BCL2L11: variants seen among roughly 807,000 people sequenced by gnomAD.
The protein encoded by BCL2L11 is bcl-2-like protein 11.
BCL2L11 carries 15 observed loss-of-function variants against 20.6 expected under a neutral mutation model. The ratio of observed to expected loss-of-function variants is 0.73; its 90% confidence interval spans 0.49 to 1.12. The LOEUF (loss-of-function observed/expected upper bound fraction) is 1.12. Among genes scored for constraint, BCL2L11 ranks in the 50% most tolerant of loss-of-function variants. The probability of loss-of-function intolerance (pLI) is 0.00; values close to 1 mark genes in which losing one functional copy is unlikely to be tolerated. For synonymous variants in BCL2L11, 108 were observed against 92.8 expected (o/e 1.16, Z -0.94); for missense variants, 292 against 260.9 (o/e 1.12, Z -0.82).
At chr2:111,138,138 A>G (rs1218767325) in intron 2 of BCL2L11, among the ~76,000 whole-genome samples, 3 of 151,456 alleles carry the variant, frequency 2.0e-5, no homozygotes, top group African/African-American at 7.3e-5. Flanking sequence ...CCTTCTGAGT[A>G]GCTGGGATTA....
rs773039812 is a variant in BCL2L11 at position 111,123,811 on chromosome 2, G to A, written c.66G>A (p.Ala22=). The part of the protein sequence containing the change: ...CDREGRQLQP[A]ERPPQLRPGA... ...GAGAAGGTAGACAATTGCAGCCTGC[G>A]GAGAGGCCTCCCCAGCTCAGACCTG... is the stretch of plus-strand genomic sequence containing the variant. The change falls in exon 2 of 4, where the codon GCG becomes GCA. Residue 22 remains alanine, a synonymous_variant. Coordinates refer to ENST00000393256, the MANE Select transcript of BCL2L11 (RefSeq NM_138621.5). 1.3e-6 allele frequency: 2 copies of A among 1,495,318 alleles called. No individual in the cohort carries two copies. The highest frequency in any genetic ancestry group is 2.8e-5 in the South Asian group (2 of 71,666). The allele number at this position is 1,495,318 out of a possible 1,614,324, so 92.6% of individuals were successfully genotyped here.
At position 111,121,003 on chromosome 2, in the gene BCL2L11, C is replaced by T. The variant is rs1357094545; in HGVS notation, c.-199C>T. ...CTGCCGCCGCCGCCGCCGCCGCCGC[C>T]GCCGCCGCCGCCGCCGCCACTACCA... On this transcript the variant is annotated 5_prime_UTR_variant, in exon 1 of 4. Coordinates refer to ENST00000393256, the MANE Select transcript of BCL2L11 (RefSeq NM_138621.5). The T allele has an allele frequency of 1.7e-4, 70 of 400,460 alleles. 3 individuals carry two copies. The highest frequency in any genetic ancestry group is 3.1e-4 in the South Asian group (8 of 25,640). 24.8% of individuals were successfully genotyped at this position (400,460 alleles called of 1,614,324 possible).
At chr2:111,128,243 G>C (rs1240737000) in intron 2 of BCL2L11, among the ~76,000 whole-genome samples, 1 of 151,982 alleles carries the variant, frequency 6.6e-6, no homozygotes, top group Admixed American at 6.5e-5. Context: ...ATGTCGTCAG[G>C]GTTCATTTAT....
chr2:111,136,896 G>A (rs2074987485), intron 2 of BCL2L11, among the ~76,000 whole-genome samples: 1 of 152,122 alleles, frequency 6.6e-6, no homozygotes, highest in East Asian at 1.9e-4. Context: ...CTCTCCATGT[G>A]GAATAACAGA....
At chr2:111,155,284 G>C (rs2077688249) in intron 3 of BCL2L11, among the ~76,000 whole-genome samples, 1 of 152,216 alleles carries the variant, frequency 6.6e-6, no homozygotes, top group South Asian at 2.1e-4. Flanking sequence ...CCTGGTGAGT[G>C]TGTCAGCCCA....
In BCL2L11 at chr2:111,130,909, C is replaced by G. The variant is rs565283649; in HGVS notation, c.394+6770C>G. On this transcript the variant is annotated intron_variant, in intron 2 of 3. Coordinates refer to ENST00000393256, the MANE Select transcript of BCL2L11 (RefSeq NM_138621.5). ...TATTAACCTGTTGATATGGTACGTT[C>G]CATTGATTTGCAATGTTAAGTCTCT... Among the ~76,000 whole-genome samples the G allele has an allele frequency of 1.8e-4, 27 of 152,198 alleles. No individual in the cohort carries two copies. The South Asian group carries it at 3.3e-3, about 19-fold the overall frequency.
intron 2 of BCL2L11, among the ~76,000 whole-genome samples, chr2:111,131,109 C>T (rs999456492): frequency 1.3e-5 from 2 of 151,520 alleles, no homozygotes; most frequent in African/African-American, 4.9e-5. Flanking sequence ...GGAAGGGTTC[C>T]CTCTTTTATT....
At chr2:111,150,948 A>G (rs1179845322) in intron 3 of BCL2L11, among the ~76,000 whole-genome samples, 2 of 152,136 alleles carry the variant, frequency 1.3e-5, no homozygotes, top group Non-Finnish European at 1.5e-5. Flanking sequence ...CTCTGTCACC[A>G]GGCTGAAGTG....
At chr2:111,153,807 A>T in intron 3 of BCL2L11, 1 of 1,552,166 alleles carries the variant, frequency 6.4e-7, no homozygotes, top group Admixed American at 2.0e-5. Flanking sequence ...GTTGTCGTGT[A>T]GTTGTCATGT....
chr2:111,132,020 G>A (rs1158542165), intron 2 of BCL2L11: 1 of 152,182 alleles, frequency 6.6e-6, no homozygotes, highest in African/African-American at 2.4e-5. Context: ...TAGCATACAA[G>A]ATGGAGTTGT....
At chr2:111,131,987 A>G (rs1184268990) in intron 2 of BCL2L11, 1 of 152,236 alleles carries the variant, frequency 6.6e-6, no homozygotes, top group Non-Finnish European at 1.5e-5. Context: ...AACCAGGGTT[A>G]ATCAGAAGTT....
chr2:111,136,601 A>T (rs73954948), intron 2 of BCL2L11, among the ~76,000 whole-genome samples: 3 of 152,166 alleles, frequency 2.0e-5, no homozygotes, highest in African/African-American at 7.2e-5. Flanking sequence ...CTGGAGGGTG[A>T]TAAGTACAAG....
intron 3 of BCL2L11, among the ~76,000 whole-genome samples, chr2:111,156,683 C>G (rs1042843544): frequency 2.0e-5 from 3 of 152,118 alleles, no homozygotes; most frequent in Non-Finnish European, 2.9e-5. Flanking sequence ...CGTAGGAAAA[C>G]ACGACTCACA....
chr2:111,123,113 G>C (rs2071550702), intron 1 of BCL2L11: 1 of 981,740 alleles, frequency 1.0e-6, no homozygotes, highest in African/African-American at 1.7e-5. Flanking sequence ...AGTTCTGTCT[G>C]ATTCGGTGCG....
chr2:111,147,761 G>A (rs1456075126), intron 2 of BCL2L11, among the ~76,000 whole-genome samples: 3 of 152,186 alleles, frequency 2.0e-5, no homozygotes, highest in Admixed American at 6.5e-5. Flanking sequence ...GAATCCAGTG[G>A]ACTTAATTTA....
At chr2:111,153,287 G>C (rs2077460310) in intron 3 of BCL2L11, among the ~76,000 whole-genome samples, 1 of 152,100 alleles carries the variant, frequency 6.6e-6, no homozygotes, top group African/African-American at 2.4e-5. Context: ...GCTGAGGCAG[G>C]AGAATTGCTT....
intron 2 of BCL2L11, among the ~76,000 whole-genome samples, chr2:111,134,879 T>C (rs936292296): frequency 6.6e-6 from 1 of 152,262 alleles, no homozygotes; most frequent in African/African-American, 2.4e-5. Context: ...CCTTGTCATC[T>C]GAATTGGTGT....
chr2:111,151,182 G>A (rs2077212012), intron 3 of BCL2L11, among the ~76,000 whole-genome samples: 1 of 152,172 alleles, frequency 6.6e-6, no homozygotes, highest in African/African-American at 2.4e-5. Context: ...GATTACAGGT[G>A]TGAGCCTCTG....
At chr2:111,161,664 A>T in intron 3 of BCL2L11, 7 of 1,197,712 alleles carry the variant, frequency 5.8e-6, no homozygotes, top group Non-Finnish European at 6.8e-6. Flanking sequence ...CTCCCCTGCA[A>T]TACAGGGATT....
Sources: gnomAD v4.1 joint callset for allele counts (sites outside exome capture counted in the v4.1 genomes callset) on GRCh38, gnomAD v4.1.1 for gene constraint, MANE v1.5 for transcripts, NCBI Gene and HGNC (gene_info 2026-07-23, HGNC 2026-07-21) for gene names.